The following KLHL1 variants were observed in gnomAD, a reference collection of about 807,000 sequenced individuals.
KLHL1 encodes the protein kelch like family member 1.
In KLHL1, 47 loss-of-function variants were observed where a neutral mutation model predicts 77.7. The ratio of observed to expected loss-of-function variants is 0.60; its 90% CI spans 0.48 to 0.77. The LOEUF is 0.77. KLHL1 is among the 30% of genes least tolerant of loss of function. KLHL1 has a pLI of 0.00. For synonymous variants in KLHL1, 360 were observed against 325.2 expected, an observed-to-expected ratio of 1.11 and a Z score of -1.15; for missense variants, 925 against 910.8, an observed-to-expected ratio of 1.02 and a Z score of -0.20.
At chr13:70,026,073 A>C (rs1885933464) in intron 1 of KLHL1, among the ~76,000 whole-genome samples, 1 of 152,166 alleles carries the variant, frequency 6.6e-6, no homozygotes, top group African/African-American at 2.4e-5. Context: ...CAAAGAGGAT[A>C]TCCCTCTGGC....
rs1175510210 is a variant in KLHL1, at chr13:69,822,565, T to C, written c.1414+16411A>G. On this transcript the variant is annotated intron_variant, in intron 6 of 10. Transcript: ENST00000377844. ...ACTTATTTCTACCCACGCATCAGAG[T>C]TGGGCATTGCAATGGTCTCCAGTAG... Among the ~76,000 whole-genome samples the C allele has an allele frequency of 4.6e-5, 7 of 152,210 alleles. No individual in the cohort carries two copies. In the East Asian group the frequency reaches 1.2e-3, roughly 25 times the overall value.
intron 2 of KLHL1, among the ~76,000 whole-genome samples, chr13:69,966,528 A>C (rs1446465549): frequency 6.6e-6 from 1 of 152,188 alleles, no homozygotes; most frequent in Non-Finnish European, 1.5e-5. Flanking sequence ...CTGCTAACAC[A>C]TCCATTGTAC....
At chr13:69,808,978 C>T (rs1877743761) in intron 6 of KLHL1, among the ~76,000 whole-genome samples, 2 of 151,778 alleles carry the variant, frequency 1.3e-5, no homozygotes, top group Admixed American at 1.3e-4. Context: ...AGATCAAAGA[C>T]TAATCCTTTA....
chr13:69,848,356 A>G (rs553766038), intron 5 of KLHL1, among the ~76,000 whole-genome samples: 2 of 151,586 alleles, frequency 1.3e-5, no homozygotes, highest in South Asian at 4.1e-4. Flanking sequence ...GACTAACTCT[A>G]CCATTGTCAA....
intron 1 of KLHL1, among the ~76,000 whole-genome samples, chr13:70,028,063 T>C (rs1189197975): frequency 6.6e-6 from 1 of 152,078 alleles, no homozygotes; most frequent in Admixed American, 6.6e-5. Flanking sequence ...GTACAAGGTG[T>C]AGGTAAGGTC....
Position 69,991,154 on chromosome 13 carries a change from A to G in KLHL1, c.498-15352T>C, listed in dbSNP as rs1388103685. ...AGAATCTCTGGGACACAGCTAAGGC[A>G]TTGTGAAGAGGAAAATTTATAGTAC... On this transcript the variant is annotated intron_variant, in intron 1 of 10. Transcript: ENST00000377844. Among the ~76,000 whole-genome samples the G allele has an allele frequency of 2.6e-5, 4 of 152,158 alleles. No individual in the cohort carries two copies. The East Asian group carries it at 7.7e-4, about 29-fold the overall frequency.
At chr13:70,106,446 A>G (rs1358860001) in intron 1 of KLHL1, among the ~76,000 whole-genome samples, 1 of 152,204 alleles carries the variant, frequency 6.6e-6, no homozygotes, top group Non-Finnish European at 1.5e-5. Flanking sequence ...GTAAGTCTTT[A>G]AAGTAGCAGA....
intron 7 of KLHL1, among the ~76,000 whole-genome samples, chr13:69,752,769 G>A (rs1046262713): frequency 6.6e-6 from 1 of 152,150 alleles, no homozygotes; most frequent in Non-Finnish European, 1.5e-5. Context: ...GGAATCACTT[G>A]AGCGGAACAT....
intron 7 of KLHL1, among the ~76,000 whole-genome samples, chr13:69,788,652 A>G (rs937882171): frequency 3.6e-5 from 5 of 139,392 alleles, no homozygotes; most frequent in African/African-American, 1.1e-4. Context: ...CCTAAAACTT[A>G]AAGTATAATA....
chr13:69,721,442 A>G (rs1450203821), intron 8 of KLHL1, among the ~76,000 whole-genome samples: 1 of 151,766 alleles, frequency 6.6e-6, no homozygotes, highest in African/African-American at 2.4e-5. Context: ...CTTTGGTAAA[A>G]TAAACTTCTT....
chr13:69,885,995 C>T (rs1206583435), intron 4 of KLHL1, among the ~76,000 whole-genome samples: 2 of 151,912 alleles, frequency 1.3e-5, no homozygotes, highest in Non-Finnish European at 2.9e-5. Flanking sequence ...GTATGTGATG[C>T]CATAGTTGTC....
chr13:70,004,875 A>G (rs971083412), intron 1 of KLHL1, among the ~76,000 whole-genome samples: 1 of 151,466 alleles, frequency 6.6e-6, no homozygotes, highest in Non-Finnish European at 1.5e-5. Flanking sequence ...ATTTATAACT[A>G]TAACTGATAT....
intron 4 of KLHL1, among the ~76,000 whole-genome samples, chr13:69,891,692 G>C (rs1016015513): frequency 5.3e-5 from 8 of 151,744 alleles, no homozygotes; most frequent in Admixed American, 3.3e-4. Flanking sequence ...GGTTTGTTTC[G>C]AATATCAATT....
chr13:70,012,190 A>C (rs1172643562), intron 1 of KLHL1, among the ~76,000 whole-genome samples: 1 of 152,046 alleles, frequency 6.6e-6, no homozygotes, highest in Non-Finnish European at 1.5e-5. Context: ...CTCTTATTAA[A>C]TTGTCTCACA....
At chr13:70,002,918 T>C (rs1363457984) in intron 1 of KLHL1, among the ~76,000 whole-genome samples, 1 of 151,474 alleles carries the variant, frequency 6.6e-6, no homozygotes, top group African/African-American at 2.4e-5. Context: ...CATAAGTATT[T>C]TCATTATTTT....
intron 1 of KLHL1, among the ~76,000 whole-genome samples, chr13:70,043,961 C>A (rs994788545): frequency 1.3e-5 from 2 of 152,214 alleles, no homozygotes; most frequent in East Asian, 3.8e-4. Flanking sequence ...GTCTTCACTG[C>A]AATTCTTACT....
intron 4 of KLHL1, among the ~76,000 whole-genome samples, chr13:69,916,558 G>A (rs1010850866): frequency 2.6e-5 from 4 of 151,952 alleles, no homozygotes; most frequent in Non-Finnish European, 1.5e-5. Context: ...CATGGACAGA[G>A]GAAGGGGAAC....
At chr13:70,101,826 T>C (rs901135741) in intron 1 of KLHL1, among the ~76,000 whole-genome samples, 8 of 152,098 alleles carry the variant, frequency 5.3e-5, no homozygotes, top group Non-Finnish European at 8.8e-5. Context: ...TAGAACACCA[T>C]GTAACGTTTA....
chr13:69,944,362 C>A (rs999536273), intron 3 of KLHL1, among the ~76,000 whole-genome samples: 1 of 152,120 alleles, frequency 6.6e-6, no homozygotes, highest in Non-Finnish European at 1.5e-5. Flanking sequence ...GGAAGGGAAC[C>A]CTTGGAAGTC....
Sources: allele counts gnomAD v4.1 joint callset (sites outside exome capture counted in the v4.1 genomes callset), GRCh38; gene constraint gnomAD v4.1.1; transcripts MANE v1.5; gene names NCBI Gene and HGNC (gene_info 2026-07-23, HGNC 2026-07-21).